ATP13A1: variants seen among roughly 807,000 people sequenced by gnomAD.
ATP13A1 encodes the protein endoplasmic reticulum transmembrane helix translocase.
Under a neutral mutation model 134.8 loss-of-function variants are expected in ATP13A1, and 55 were observed. The ratio of observed to expected loss-of-function variants is 0.41; its 90% CI spans 0.33 to 0.51. ATP13A1 has a LOEUF of 0.51. Ranked by LOEUF, ATP13A1 falls within the 20% of genes least tolerant of loss-of-function variation. The pLI is 0.29. For synonymous variants in ATP13A1, 775 were observed against 725.1 expected, an observed-to-expected ratio of 1.07 and a Z score of -1.10; for missense variants, 1,389 against 1,652.8, an observed-to-expected ratio of 0.84 and a Z score of 2.77.
In ATP13A1 at chr19:19,663,399, C is replaced by T; in HGVS notation, c.268G>A (p.Gly90Ser). Residue 90 changes from glycine (G) to serine (S), a missense_variant, in exon 1 of 26, where the codon GGC (glycine) becomes AGC (serine). Gly to Ser is a moderately conservative substitution (Grantham distance 56). Around this residue, in one of 4 missense-constraint regions of ATP13A1, gnomAD observed 293 missense variants for 270.8 expected, o/e 1.08. Coordinates refer to ENST00000357324, the MANE Select transcript of ATP13A1 (RefSeq NM_020410.3). ...TCGGGGATCTGCACCCAACTGCTGC[C>T]CCAGCCCCAGCAGCCAGCGGCTGCG... ...GAAAAGCWGW[G>S]SSWVQIPEAA... The T allele has an allele frequency of 6.3e-7, 1 of 1,584,064 alleles. No individual in the cohort carries two copies.
intron 16 of ATP13A1, 126 bp downstream of exon 16, chr19:19,652,469 T>C (rs2145002065): frequency 7.4e-7 from 1 of 1,346,442 alleles, no homozygotes; most frequent in Non-Finnish European, 1.0e-6. Context: ...ACCTGAGCTA[T>C]GATCTTGCTC....
At position 19,647,285 on chromosome 19, in the gene ATP13A1, G is replaced by C; in HGVS notation, c.2949C>G (p.Thr983=). ...CCAGGATCTTGAACATCTGTAGCGT[G>C]GTCACCAGCGTGCAGCGGCCCTGCT... ...VIKQGRCTLV[T]TLQMFKILAL... Residue 983 remains threonine, a synonymous_variant, in exon 22 of 26, where the codon ACC becomes ACG. Transcript: ENST00000357324. This position sits in a 1 kb window ranked among gnomAD's most constrained non-coding sequence, Gnocchi z 4.8. 6.2e-7 allele frequency: 1 copy of C among 1,613,560 alleles called. No homozygotes were observed. The highest frequency in any genetic ancestry group is 8.5e-7 in the Non-Finnish European group (1 of 1,179,814).
At position 19,645,516 on chromosome 19, in the gene ATP13A1, G is replaced by A. The variant is rs762823776; in HGVS notation, c.3521C>T (p.Ala1174Val). Residue 1174 changes from alanine (A) to valine (V), a missense_variant, in exon 26 of 26, where the codon GCC becomes GTC. Physicochemically the swap from Ala to Val is moderately conservative, Grantham distance 64 (BLOSUM62 0). Coordinates refer to ENST00000357324, the MANE Select transcript of ATP13A1 (RefSeq NM_020410.3). This position sits in a 1 kb window ranked among gnomAD's most constrained non-coding sequence, Gnocchi z 4.1. ...DIPVEFKLVI[A>V]QVLLLDFCLA... The stretch of plus-strand genomic sequence containing the variant: ...GCAGAAGTCCAGGAGCAGGACCTGG[G>A]CAATGACCAGCTTGAACTGTCGGGG... 6.2e-7 allele frequency: 1 copy of A among 1,603,092 alleles called. No individual in the cohort carries two copies. Among genetic ancestry groups the A allele is most frequent in the Non-Finnish European group, 8.5e-7 (1 of 1,175,056 alleles).
intron 1 of ATP13A1, chr19:19,662,310 T>C (rs1314700437): frequency 1.0e-6 from 1 of 985,240 alleles, no homozygotes; most frequent in Non-Finnish European, 1.2e-6. Flanking sequence ...ACAGAACAGG[T>C]TGTCTCTCAG....
chr19:19,648,971 A>T (rs1191656776), intron 19 of ATP13A1, among the ~76,000 whole-genome samples: 1 of 151,462 alleles, frequency 6.6e-6, no homozygotes, highest in Non-Finnish European at 1.5e-5. Flanking sequence ...AAAATACAAA[A>T]ATTAGCCAGG....
chr19:19,648,136 C>T (rs768931934), intron 19 of ATP13A1, among the ~76,000 whole-genome samples: 1 of 150,988 alleles, frequency 6.6e-6, no homozygotes, highest in Non-Finnish European at 1.5e-5. Context: ...CTGGCTGATA[C>T]GGCGAAACCC....
rs772089018 is a variant in ATP13A1 at position 19,649,870 on chromosome 19, T to C, written c.2406A>G (p.Ala802=). The stretch of plus-strand genomic sequence containing the variant: ...GGCACAGTGCGTACTCCAGGGCCAG[T>C]GCCTTTGGGGAGCCCCGGGCCAGGG... The part of the protein sequence containing the change: ...VLPLARGSPK[A]LALEYALCLT... The change falls in exon 18 of 26, where the codon GCA becomes GCG. Residue 802 remains alanine, a synonymous_variant. Transcript: ENST00000357324. 1.0e-5 allele frequency: 16 copies of C among 1,603,042 alleles called. No homozygotes were observed. The highest frequency in any genetic ancestry group is 1.2e-5 in the Non-Finnish European group (14 of 1,179,576).
Position 19,662,383 on chromosome 19 carries a change from C to T in ATP13A1, c.396+888G>A, listed in dbSNP as rs944415667. The T allele has an allele frequency of 6.1e-6, 6 of 984,560 alleles. No individual in the cohort carries two copies. The East Asian group carries it at 5.7e-4, about 93-fold the overall frequency. The allele number at this position is 984,560 out of a possible 1,614,324, so 61.0% of individuals were successfully genotyped here. On this transcript the variant is annotated intron_variant, in intron 1 of 25. Coordinates refer to ENST00000357324, the MANE Select transcript of ATP13A1 (RefSeq NM_020410.3). Reference sequence around the variant, plus strand: ...GCCAGGGTGGGGGGCTTCTGTCTTTCTGTAGCCCTTGATGCTGTTCCCTTT... The same window carrying T: ...GCCAGGGTGGGGGGCTTCTGTCTTTTTGTAGCCCTTGATGCTGTTCCCTTT...
At position 19,655,817 on chromosome 19, in the gene ATP13A1, G is replaced by A. The variant is rs2062053753; in HGVS notation, c.1269+61C>T. ...GGGCAGATGTTCTGGGGTCGGAAAG[G>A]GCTGATACCTTGGCTGTCCAACTGC... On this transcript the variant is annotated intron_variant, in intron 9 of 25. Coordinates refer to ENST00000357324, the MANE Select transcript of ATP13A1 (RefSeq NM_020410.3). This position sits in a 1 kb window ranked among gnomAD's most constrained non-coding sequence, Gnocchi z 5.7. The A allele has an allele frequency of 6.5e-7, 1 of 1,542,506 alleles. No homozygotes were observed. The highest frequency in any genetic ancestry group is 8.7e-7 in the Non-Finnish European group (1 of 1,148,038).
At position 19,653,883 on chromosome 19, in the gene ATP13A1, G is replaced by A. The variant is rs776952693; in HGVS notation, c.2001C>T (p.Cys667=). Residue 667 remains cysteine, a synonymous_variant, in exon 15 of 26, where the codon TGC becomes TGT. Transcript: ENST00000357324. This position sits in a 1 kb window ranked among gnomAD's most constrained non-coding sequence, Gnocchi z 4.2. ...TGTGGATGTGGTGGTAGTCGGGCGG[G>A]CACTGGGAGAACTGCAGGGAATGCA... is the stretch of plus-strand genomic sequence containing the variant. ...PETLHSMFSQ[C]PPDYHHIHTE... is the part of the protein sequence containing the mutation. The A allele has an allele frequency of 1.9e-6, 3 of 1,567,148 alleles. No homozygotes were observed. The highest frequency in any genetic ancestry group is 2.3e-5 in the South Asian group (2 of 85,158).
chr19:19,646,984 C>T, intron 22 of ATP13A1, 145 bp downstream of exon 22: 3 of 921,756 alleles, frequency 3.3e-6, no homozygotes, highest in Non-Finnish European at 4.8e-6. Context: ...CCTGCCCTGC[C>T]AGCATTTCCT....
rs757804091 is a variant in ATP13A1 at position 19,649,688 on chromosome 19, C to A, written c.2536-25G>T. Reference sequence around the variant, plus strand: ...CCTGTATGGGCGGAGACAGGCTGAGCAGGGGCTGCGTGCCTACCGCTGTGC... The same window carrying A: ...CCTGTATGGGCGGAGACAGGCTGAGAAGGGGCTGCGTGCCTACCGCTGTGC... On this transcript the variant is annotated intron_variant, in intron 18 of 25. Transcript: ENST00000357324. 2.5e-6 allele frequency: 4 copies of A among 1,613,650 alleles called. No individual in the cohort carries two copies. In the South Asian group the frequency reaches 3.3e-5, roughly 13 times the overall value.
intron 17 of ATP13A1, chr19:19,650,380 A>G (rs2062016762): frequency 5.6e-6 from 1 of 179,154 alleles, no homozygotes; most frequent in Non-Finnish European, 1.2e-5. Context: ...CAACTCTGAC[A>G]GGGCCCCTGA....
At chr19:19,659,553 G>A (rs748836313) in intron 3 of ATP13A1, 48 bp downstream of exon 3, 9 of 1,523,864 alleles carry the variant, frequency 5.9e-6, no homozygotes, top group Admixed American at 1.8e-5. Context: ...AATCAGGAGG[G>A]GAGCAGGACA....
Position 19,645,287 on chromosome 19 carries a change from C to A in ATP13A1, c.*135G>T. ...CAAGCCAGCGGATGGCTGTGGGGGT[C>A]CCAGCTCAGTCTTCCAAGGGCGAGA... is the stretch of plus-strand genomic sequence containing the variant. On this transcript the variant is annotated 3_prime_UTR_variant, in exon 26 of 26. Transcript: ENST00000357324. The surrounding 1 kb of genome is among the most constrained non-coding windows in gnomAD (Gnocchi z 4.1). 1.0e-6 allele frequency: 1 copy of A among 999,224 alleles called. No individual in the cohort carries two copies. Among genetic ancestry groups the A allele is most frequent in the South Asian group, 1.6e-5 (1 of 61,074 alleles). The allele number at this position is 999,224 out of a possible 1,614,324, so 61.9% of individuals were successfully genotyped here.
chr19:19,659,526 G>A (rs1320610297), intron 3 of ATP13A1, 75 bp downstream of exon 3: 4 of 1,239,978 alleles, frequency 3.2e-6, no homozygotes, highest in Non-Finnish European at 3.4e-6. Flanking sequence ...CCTCTGTCCC[G>A]CTTCCTAGGC....
At position 19,645,570 on chromosome 19, in the gene ATP13A1, C is replaced by T. The variant is rs2061979421; in HGVS notation, c.3505-38G>A. On this transcript the variant is annotated intron_variant, in intron 25 of 25. Transcript: ENST00000357324. This position sits in a 1 kb window ranked among gnomAD's most constrained non-coding sequence, Gnocchi z 4.1. ...GGAGGGATGGTGAGCTGGAGACCTGCAGCCCAGCTCAGGGTCACTGCCATA... is the reference window on the plus strand; with the variant it reads ...GGAGGGATGGTGAGCTGGAGACCTGTAGCCCAGCTCAGGGTCACTGCCATA... 2 of 1,565,854 alleles carry T rather than the reference C, an allele frequency of 1.3e-6. No individual in the cohort carries two copies. Among genetic ancestry groups the T allele is most frequent in the South Asian group, 2.3e-5 (2 of 85,346 alleles).
At chr19:19,649,525 C>T (rs368899449) in intron 19 of ATP13A1, 42 bp downstream of exon 19, 1 of 1,587,074 alleles carries the variant, frequency 6.3e-7, no homozygotes, top group Non-Finnish European at 8.6e-7. Context: ...ATGTCCTCAA[C>T]ACCTCGTCCA....
intron 17 of ATP13A1, chr19:19,651,416 C>A: frequency 3.0e-6 from 1 of 337,536 alleles, no homozygotes; most frequent in South Asian, 5.8e-5. Flanking sequence ...GCAGTATCTG[C>A]CCATGAGTGC....
Sources: gnomAD v4.1 joint callset for allele counts (sites outside exome capture counted in the v4.1 genomes callset) on GRCh38, gnomAD v4.1.1 for gene constraint, gnomAD v4.1.1 regional missense constraint, Gnocchi (gnomAD v3.1) non-coding constraint, MANE v1.5 for transcripts, NCBI Gene and HGNC (gene_info 2026-07-23, HGNC 2026-07-21) for gene names.